Variants in BMPR2 observed in about 807,000 individuals in gnomAD.
BMPR2 encodes bone morphogenetic protein receptor type-2.
BMPR2 carries 29 observed loss-of-function variants against 100.8 expected under a neutral mutation model. That is an observed-to-expected ratio of 0.29 (90% CI 0.21 to 0.39). The LOEUF (loss-of-function observed/expected upper bound fraction) is 0.39. Among genes scored for constraint, BMPR2 ranks in the 10% least tolerant of loss-of-function variants. The pLI is 1.00. For synonymous variants in BMPR2, 382 were observed against 442.3 expected (o/e 0.86, Z 1.71); for missense variants, 1,011 against 1,274.5 (o/e 0.79, Z 3.15).
intron 3 of BMPR2, among the ~76,000 whole-genome samples, chr2:202,470,290 C>T (rs1221167415): frequency 1.3e-5 from 2 of 151,850 alleles, no homozygotes; most frequent in Admixed American, 6.6e-5. Flanking sequence ...TGCAGTGAGC[C>T]GAGATCATGC....
chr2:202,519,023 T>C lies in BMPR2; in HGVS notation c.823T>C (p.Tyr275His). Residue 275 changes from tyrosine (Y) to histidine (H), a missense_variant, in exon 6 of 13, where the codon TAT becomes CAT. Coordinates refer to ENST00000374580, the MANE Select transcript of BMPR2 (RefSeq NM_001204.7). The stretch of plus-strand genomic sequence containing the variant: ...AGTCACTGCAGATGGACGCATGGAA[T>C]ATTTGCTTGTGATGGAGTACTATCC... ...ERVTADGRME[Y>H]LLVMEYYPNG... 1 of 1,614,094 alleles carries C rather than the reference T, an allele frequency of 6.2e-7. No homozygotes were observed. The highest frequency in any genetic ancestry group is 1.1e-5 in the South Asian group (1 of 91,086).
chr2:202,435,393 A>ATATAT (rs1474965127), intron 1 of BMPR2, among the ~76,000 whole-genome samples: 2 of 140,676 alleles, frequency 1.4e-5, no homozygotes, highest in Admixed American at 7.0e-5. Context: ...ATATATATAT[A>ATATAT]TATATATATA....
intron 7 of BMPR2, among the ~76,000 whole-genome samples, chr2:202,529,227 C>T (rs989483748): frequency 2.0e-5 from 3 of 152,188 alleles, no homozygotes; most frequent in Admixed American, 2.0e-4. Context: ...CATAGATTGA[C>T]TATTTTTGGT....
At chr2:202,419,366 C>T (rs1691208739) in intron 1 of BMPR2, among the ~76,000 whole-genome samples, 1 of 151,796 alleles carries the variant, frequency 6.6e-6, no homozygotes, top group African/African-American at 2.4e-5. Context: ...TTTTTATTTT[C>T]TATTTTTTGA....
Position 202,565,497 on chromosome 2 carries a change from GT to G in BMPR2, c.*5553del. ...CAGCAAATCGGCACTTAATTTTTGT[GT>G]TATCTAACATTTTCTATTGTGGAAT... On this transcript the variant is annotated 3_prime_UTR_variant, in exon 13 of 13. Coordinates refer to ENST00000374580, the MANE Select transcript of BMPR2 (RefSeq NM_001204.7). The G allele has an allele frequency of 6.6e-6, 1 of 152,438 alleles. No individual in the cohort carries two copies. The allele number at this position is 152,438 out of a possible 1,614,324, so 9.4% of individuals were successfully genotyped here.
At chr2:202,468,234 T>A (rs560756571) in intron 3 of BMPR2, among the ~76,000 whole-genome samples, 57 of 152,000 alleles carry the variant, frequency 3.8e-4, no homozygotes, top group Non-Finnish European at 6.8e-4. Context: ...TTCAGCACTT[T>A]AGGAGGCCAG....
rs569391243 is a variant in BMPR2 at position 202,566,609 on chromosome 2, G to A, written c.*6663G>A. On this transcript the variant is annotated 3_prime_UTR_variant, in exon 13 of 13. Coordinates refer to ENST00000374580, the MANE Select transcript of BMPR2 (RefSeq NM_001204.7). The stretch of plus-strand genomic sequence containing the variant: ...TGGGACAAATTGTTTCATTTTGTTT[G>A]TTTTTTAATAAGGGAACTTGGTAAA... 1 of 152,256 alleles carries A rather than the reference G, an allele frequency of 6.6e-6. No individual in the cohort carries two copies. The highest frequency in any genetic ancestry group is 2.1e-4 in the South Asian group (1 of 4,822). The allele number at this position is 152,256 out of a possible 1,614,324, so 9.4% of individuals were successfully genotyped here. A position where few individuals can be genotyped will look rare whatever the true frequency, so the allele number is the denominator to read the frequency against.
intron 3 of BMPR2, among the ~76,000 whole-genome samples, chr2:202,472,790 T>C (rs1053173555): frequency 2.0e-5 from 3 of 152,218 alleles, no homozygotes; most frequent in Non-Finnish European, 4.4e-5. Flanking sequence ...AGTAGGAATA[T>C]TGCCAGCTAG....
chr2:202,550,493 C>G (rs1021193091), intron 10 of BMPR2, among the ~76,000 whole-genome samples: 1 of 151,898 alleles, frequency 6.6e-6, no homozygotes, highest in East Asian at 1.9e-4. Flanking sequence ...CCTGGGATTA[C>G]AGGCATGAGC....
intron 3 of BMPR2, among the ~76,000 whole-genome samples, chr2:202,470,347 GATAAAA>G (rs1470766566): frequency 2.6e-5 from 4 of 151,706 alleles, no homozygotes; most frequent in South Asian, 2.1e-4. Context: ...TGTCTCAAAA[GATAAAA>G]ATAAAAAAAA....
At chr2:202,496,995 G>A (rs972694809) in intron 3 of BMPR2, among the ~76,000 whole-genome samples, 29 of 152,228 alleles carry the variant, frequency 1.9e-4, no homozygotes, top group Non-Finnish European at 3.2e-4. Flanking sequence ...GGCGGGCCCC[G>A]CACTCGGAGC....
At chr2:202,424,376 G>GA (rs55785585) in intron 1 of BMPR2, among the ~76,000 whole-genome samples, 95 of 142,048 alleles carry the variant, frequency 6.7e-4, no homozygotes, top group East Asian at 1.6e-3. Flanking sequence ...TTCGTCTGAA[G>GA]AAAAAAAAAA....
chr2:202,386,637 A>G (rs1287933835), intron 1 of BMPR2, among the ~76,000 whole-genome samples: 1 of 151,136 alleles, frequency 6.6e-6, no homozygotes. Flanking sequence ...TCTTTGCTTT[A>G]TTACAGTCTC....
intron 1 of BMPR2, among the ~76,000 whole-genome samples, chr2:202,405,133 T>C (rs1559027955): frequency 6.6e-6 from 1 of 152,136 alleles, no homozygotes; most frequent in Non-Finnish European, 1.5e-5. Flanking sequence ...CTGTGCACTT[T>C]TTAAACTCCA....
Position 202,555,239 on chromosome 2 carries a change from T to G in BMPR2, c.1587-13T>G. 6.2e-7 allele frequency: 1 copy of G among 1,610,154 alleles called. No individual in the cohort carries two copies. The highest frequency in any genetic ancestry group is 8.5e-7 in the Non-Finnish European group (1 of 1,176,680). On this transcript the variant is annotated splice_polypyrimidine_tract_variant and intron_variant, in intron 11 of 12. Transcript: ENST00000374580. The stretch of plus-strand genomic sequence containing the variant: ...GTACGTTCTCAATGTGATACTTTTT[T>G]TCTTTCTTTAAGCAACCTGTCACAT...
chr2:202,549,756 A>G (rs1405653073), intron 10 of BMPR2, among the ~76,000 whole-genome samples: 3 of 151,844 alleles, frequency 2.0e-5, no homozygotes, highest in South Asian at 2.1e-4. Flanking sequence ...CAAAAAAAAA[A>G]AAAAGAAAAG....
rs1688678390 is a variant in BMPR2, at chr2:202,561,486, A to G, written c.*1540A>G. 2.0e-5 allele frequency: 3 copies of G among 152,074 alleles called. No homozygotes were observed. The highest frequency in any genetic ancestry group is 4.1e-4 in the South Asian group (2 of 4,826). The allele number at this position is 152,074 out of a possible 1,614,324, so 9.4% of individuals were successfully genotyped here. A position where few individuals can be genotyped will look rare whatever the true frequency, so the allele number is the denominator to read the frequency against. ...TAAATAAAGCACTTTCTGTCAAATAATGGACTTTTTTCTAAACAGAAATTA... is the reference window on the plus strand; with the variant it reads ...TAAATAAAGCACTTTCTGTCAAATAGTGGACTTTTTTCTAAACAGAAATTA... On this transcript the variant is annotated 3_prime_UTR_variant, in exon 13 of 13. Transcript: ENST00000374580.
chr2:202,472,290 T>A (rs759237896), intron 3 of BMPR2, among the ~76,000 whole-genome samples: 1 of 152,232 alleles, frequency 6.6e-6, no homozygotes, highest in Non-Finnish European at 1.5e-5. Context: ...TAGGAGATTG[T>A]ATTGAATTGG....
Position 202,376,765 on chromosome 2 carries a change from C to G in BMPR2, c.-710C>G, listed in dbSNP as rs537429099. Among the ~76,000 whole-genome samples the G allele has an allele frequency of 3.3e-5, 5 of 151,090 alleles. No individual in the cohort carries two copies. The East Asian group carries it at 1.0e-3, about 30-fold the overall frequency. ...GGAGCCCGGACCGGGGCCGCGACCGCGACCCCTCCCCTCCCCCGCTCCTAC... is the reference window on the plus strand; with the variant it reads ...GGAGCCCGGACCGGGGCCGCGACCGGGACCCCTCCCCTCCCCCGCTCCTAC... On this transcript the variant is annotated 5_prime_UTR_variant, in exon 1 of 13. Coordinates refer to ENST00000374580, the MANE Select transcript of BMPR2 (RefSeq NM_001204.7).
Sources: gnomAD v4.1 joint callset for allele counts (sites outside exome capture counted in the v4.1 genomes callset) on GRCh38, gnomAD v4.1.1 for gene constraint, MANE v1.5 for transcripts, NCBI Gene and HGNC (gene_info 2026-07-23, HGNC 2026-07-21) for gene names.